The following GFRA1 variants were observed in gnomAD, a reference collection of about 807,000 sequenced individuals.
GFRA1 encodes GDNF family receptor alpha-1.
A neutral mutation model predicts 51.6 loss-of-function variants in GFRA1; 16 were observed. The ratio of observed to expected loss-of-function variants is 0.31; its 90% CI spans 0.21 to 0.47. The LOEUF is 0.47. Among genes scored for constraint, GFRA1 ranks in the 20% least tolerant of loss-of-function variants. The probability of loss-of-function intolerance (pLI) is 1.00; values close to 1 mark genes in which losing one functional copy is unlikely to be tolerated. For synonymous variants in GFRA1, 270 were observed against 241.3 expected (o/e 1.12, Z -1.10); for missense variants, 530 against 594.3 (o/e 0.89, Z 1.13).
chr10:116,116,187 C>G (rs1454678703), intron 6 of GFRA1, among the ~76,000 whole-genome samples: 1 of 152,198 alleles, frequency 6.6e-6, no homozygotes, highest in Non-Finnish European at 1.5e-5. Context: ...CTCCACCTCC[C>G]AGGTTCAAGC....
chr10:116,258,387 A>AT (rs10643729), intron 4 of GFRA1, among the ~76,000 whole-genome samples: 42 of 102,690 alleles, frequency 4.1e-4, no homozygotes, highest in Admixed American at 3.0e-3. Flanking sequence ...CTAATATATT[A>AT]ATTAATAAAA....
chr10:116,196,577 A>AGT (rs377115326), intron 5 of GFRA1, among the ~76,000 whole-genome samples: 1 of 49,654 alleles, frequency 2.0e-5, no homozygotes, highest in African/African-American at 6.2e-5. Context: ...TAATATATAT[A>AGT]ATATATAGTA....
At chr10:116,116,183 C>T (rs1368846491) in intron 6 of GFRA1, among the ~76,000 whole-genome samples, 4 of 152,192 alleles carry the variant, frequency 2.6e-5, no homozygotes, top group East Asian at 1.9e-4. Context: ...CAGCCTCCAC[C>T]TCCCAGGTTC....
At chr10:116,185,426 C>T (rs1457338050) in intron 5 of GFRA1, among the ~76,000 whole-genome samples, 1 of 152,144 alleles carries the variant, frequency 6.6e-6, no homozygotes, top group Non-Finnish European at 1.5e-5. Flanking sequence ...CTCCTTTGAA[C>T]CCACTCACCA....
intron 9 of GFRA1, among the ~76,000 whole-genome samples, chr10:116,070,456 A>G (rs1955327867): frequency 6.6e-6 from 1 of 152,226 alleles, no homozygotes. Context: ...GCCATTTCTC[A>G]GTTTAAATCT....
At chr10:116,080,351 C>T (rs1015280199) in intron 9 of GFRA1, among the ~76,000 whole-genome samples, 5 of 152,104 alleles carry the variant, frequency 3.3e-5, no homozygotes, top group African/African-American at 1.2e-4. Flanking sequence ...AGTTTCAACT[C>T]CGGCTTCCTT....
intron 8 of GFRA1, among the ~76,000 whole-genome samples, chr10:116,091,771 T>C (rs1369100672): frequency 6.6e-6 from 1 of 152,336 alleles, no homozygotes; most frequent in East Asian, 1.9e-4. Flanking sequence ...CTGATGGCCC[T>C]GTGTCTTTGG....
At chr10:116,172,924 C>T (rs1035820603) in intron 5 of GFRA1, among the ~76,000 whole-genome samples, 1 of 152,236 alleles carries the variant, frequency 6.6e-6, no homozygotes, top group East Asian at 1.9e-4. Flanking sequence ...GAGCCCCTTG[C>T]GAGACTGCTG....
chr10:116,267,951 A>G (rs946385489), intron 4 of GFRA1, among the ~76,000 whole-genome samples: 23 of 151,044 alleles, frequency 1.5e-4, no homozygotes, highest in Admixed American at 5.9e-4. Flanking sequence ...ACACACACAC[A>G]CACACACACA....
intron 4 of GFRA1, among the ~76,000 whole-genome samples, chr10:116,249,131 A>G (rs1036291144): frequency 6.6e-6 from 1 of 152,188 alleles, no homozygotes; most frequent in Non-Finnish European, 1.5e-5. Flanking sequence ...TCAGAGCATC[A>G]TCTGCTTCTC....
At chr10:116,067,036 A>T (rs933767601) in intron 9 of GFRA1, among the ~76,000 whole-genome samples, 1 of 152,250 alleles carries the variant, frequency 6.6e-6, no homozygotes, top group Non-Finnish European at 1.5e-5. Context: ...CCAGCTGTGA[A>T]TATGAAATAG....
intron 6 of GFRA1, among the ~76,000 whole-genome samples, chr10:116,112,329 A>T (rs1284590402): frequency 1.3e-5 from 2 of 152,062 alleles, no homozygotes; most frequent in African/African-American, 4.8e-5. Flanking sequence ...GCTTCCCGGG[A>T]CCTGAAACTT....
At chr10:116,166,885 C>T (rs960230965) in intron 5 of GFRA1, among the ~76,000 whole-genome samples, 1 of 144,468 alleles carries the variant, frequency 6.9e-6, no homozygotes, top group Non-Finnish European at 1.5e-5. Flanking sequence ...CTGCAAGCTC[C>T]GCCTCCCGGG....
chr10:116,118,511 C>T (rs1432142026), intron 6 of GFRA1, among the ~76,000 whole-genome samples: 1 of 152,176 alleles, frequency 6.6e-6, no homozygotes, highest in Non-Finnish European at 1.5e-5. Context: ...ACTAAGCTCC[C>T]CTTCTTCTGC....
chr10:116,246,533 T>C (rs1967879180), intron 4 of GFRA1, among the ~76,000 whole-genome samples: 1 of 152,004 alleles, frequency 6.6e-6, no homozygotes. Context: ...CTATACAACA[T>C]AGGCTAGTAA....
At chr10:116,103,615 C>T (rs1956897021) in intron 6 of GFRA1, among the ~76,000 whole-genome samples, 1 of 152,084 alleles carries the variant, frequency 6.6e-6, no homozygotes, top group Non-Finnish European at 1.5e-5. Context: ...TTTAAAAGGA[C>T]TAAATATCAG....
chr10:116,173,503 TATG>T (rs1961248795), intron 5 of GFRA1, among the ~76,000 whole-genome samples: 1 of 152,222 alleles, frequency 6.6e-6, no homozygotes, highest in Admixed American at 6.5e-5. Flanking sequence ...GCCTCTGGCA[TATG>T]GTACACTTTA....
intron 5 of GFRA1, among the ~76,000 whole-genome samples, chr10:116,193,150 TAAAA>T (rs1963420552): frequency 6.6e-6 from 1 of 152,100 alleles, no homozygotes; most frequent in South Asian, 2.1e-4. Flanking sequence ...GATTACAAAA[TAAAA>T]ATAGATTTTT....
chr10:116,155,620 T>C (rs1345344238), intron 5 of GFRA1, among the ~76,000 whole-genome samples: 2 of 152,206 alleles, frequency 1.3e-5, no homozygotes, highest in Non-Finnish European at 2.9e-5. Flanking sequence ...CCTTAAAGCA[T>C]GGTCAGGTTC....
Sources: gnomAD v4.1 joint callset for allele counts (sites outside exome capture counted in the v4.1 genomes callset) on GRCh38, gnomAD v4.1.1 for gene constraint, MANE v1.5 for transcripts, NCBI Gene and HGNC (gene_info 2026-07-23, HGNC 2026-07-21) for gene names.